The following SLC36A1 variants were observed in gnomAD, a reference collection of about 807,000 sequenced individuals.
SLC36A1 encodes the protein proton-coupled amino acid transporter 1.
SLC36A1 carries 30 observed loss-of-function variants against 47.5 expected under a neutral mutation model. The observed-to-expected ratio is 0.63, with a 90% CI of 0.47 to 0.86. The LOEUF is 0.86. Among genes scored for constraint, SLC36A1 ranks in the 40% least tolerant of loss-of-function variants. The pLI, the probability that SLC36A1 is intolerant of heterozygous loss-of-function variation, is 0.00. For missense variants in SLC36A1, 517 were observed against 606.0 expected, an observed-to-expected ratio of 0.85 and a Z score of 1.54; for synonymous variants, 255 against 249.7, an observed-to-expected ratio of 1.02 and a Z score of -0.20.
chr5:151,476,851 C>T (rs1484400962), intron 9 of SLC36A1, 95 bp downstream of exon 9: 1 of 1,451,202 alleles, frequency 6.9e-7, no homozygotes, highest in South Asian at 1.2e-5. Flanking sequence ...ATCTCTTAAA[C>T]CAGCCCACTT....
chr5:151,365,407 C>T, the SLC36A1 span, among the ~76,000 whole-genome samples: 1 of 152,160 alleles, frequency 6.6e-6, no homozygotes, highest in African/African-American at 2.4e-5. Context: ...TTGACAGGCT[C>T]AGGGAAAGTG....
chr5:151,548,841 G>A, the SLC36A1 span, among the ~76,000 whole-genome samples: 60 of 152,178 alleles, frequency 3.9e-4, no homozygotes, highest in African/African-American at 1.3e-3. Context: ...GATTATTCCC[G>A]TTTTTGAGAT....
At chr5:151,402,427 A>G in the SLC36A1 span, among the ~76,000 whole-genome samples, 24 of 152,250 alleles carry the variant, frequency 1.6e-4, no homozygotes, top group Admixed American at 1.2e-3. Context: ...GTCAATGTTC[A>G]TTAGGGATAT....
upstream of SLC36A1, among the ~76,000 whole-genome samples, chr5:151,433,258 ATATATATATTTTTTT>A (rs1759538551): frequency 1.9e-4 from 3 of 15,400 alleles, no homozygotes; most frequent in African/African-American, 8.1e-4. Context: ...ATATATATAT[ATATATATATTTTTTT>A]TTTTTTTTTT....
At chr5:151,444,220 G>C (rs1420796599), upstream of SLC36A1, among the ~76,000 whole-genome samples, 1 of 152,190 alleles carries the variant, frequency 6.6e-6, no homozygotes, top group Non-Finnish European at 1.5e-5. Context: ...TTGGGATTTT[G>C]ATAGGGATTG....
the SLC36A1 span, among the ~76,000 whole-genome samples, chr5:151,423,179 C>T: frequency 6.6e-6 from 1 of 152,298 alleles, no homozygotes; most frequent in African/African-American, 2.4e-5. Context: ...TCATTTGTTG[C>T]TGGTTCGGGA....
the SLC36A1 span, chr5:151,521,555 C>T: frequency 3.1e-6 from 5 of 1,614,232 alleles, no homozygotes; most frequent in Non-Finnish European, 4.2e-6. Context: ...AGCACATCCA[C>T]ACCAGCCACG....
chr5:151,386,039 C>CTT, the SLC36A1 span, among the ~76,000 whole-genome samples: 1 of 146,800 alleles, frequency 6.8e-6, no homozygotes, highest in Non-Finnish European at 1.5e-5. Context: ...GTCTCGCTAA[C>CTT]TTTTTTTTTT....
At chr5:151,429,198 ATTTT>A in the SLC36A1 span, among the ~76,000 whole-genome samples, 8 of 151,656 alleles carry the variant, frequency 5.3e-5, no homozygotes, top group Admixed American at 1.3e-4. Context: ...TTTTATTTTT[ATTTT>A]TTAAAATTTT....
At chr5:151,513,068 A>G in the SLC36A1 span, among the ~76,000 whole-genome samples, 1 of 152,228 alleles carries the variant, frequency 6.6e-6, no homozygotes, top group African/African-American at 2.4e-5. Context: ...GTATTTTTAT[A>G]GTAATCCTAA....
chr5:151,548,158 A>G, the SLC36A1 span, among the ~76,000 whole-genome samples: 1 of 152,172 alleles, frequency 6.6e-6, no homozygotes, highest in African/African-American at 2.4e-5. Flanking sequence ...AGGTAAAGCT[A>G]CTGGCTTTAT....
At chr5:151,432,159 G>C (rs1387080154), upstream of SLC36A1, among the ~76,000 whole-genome samples, 5 of 152,062 alleles carry the variant, frequency 3.3e-5, no homozygotes, top group Non-Finnish European at 7.4e-5. Context: ...AACAGTTCCA[G>C]GTACTGCAGT....
chr5:151,416,827 A>G, the SLC36A1 span, among the ~76,000 whole-genome samples: 1 of 152,322 alleles, frequency 6.6e-6, no homozygotes, highest in African/African-American at 2.4e-5. Flanking sequence ...TAATCCCCAC[A>G]TGTCAAAGGA....
the SLC36A1 span, among the ~76,000 whole-genome samples, chr5:151,349,453 G>A: frequency 6.6e-6 from 1 of 152,134 alleles, no homozygotes; most frequent in South Asian, 2.1e-4. Flanking sequence ...GAAGCCCTGG[G>A]TTCCGCTATG....
chr5:151,526,124 T>C, the SLC36A1 span, among the ~76,000 whole-genome samples: 19 of 152,294 alleles, frequency 1.2e-4, no homozygotes, highest in East Asian at 3.5e-3. Flanking sequence ...TCTGCCTGCC[T>C]TTGAGGTAGT....
the SLC36A1 span, chr5:151,529,190 G>A: frequency 2.2e-5 from 35 of 1,614,060 alleles, no homozygotes; most frequent in East Asian, 8.9e-5. Context: ...TGAGGATGAC[G>A]TCACCCACAA....
chr5:151,362,997 A>T, the SLC36A1 span, among the ~76,000 whole-genome samples: 1 of 152,024 alleles, frequency 6.6e-6, no homozygotes, highest in Non-Finnish European at 1.5e-5. Flanking sequence ...TTTCTTGTGG[A>T]TGTACACCTA....
chr5:151,448,115 A>G (rs1311926506), intron 1 of SLC36A1, among the ~76,000 whole-genome samples: 1 of 152,136 alleles, frequency 6.6e-6, no homozygotes, highest in African/African-American at 2.4e-5. Context: ...GCGCTGCTTG[A>G]GACAGGCTCA....
the SLC36A1 span, among the ~76,000 whole-genome samples, chr5:151,392,925 G>A: frequency 6.6e-6 from 1 of 152,102 alleles, no homozygotes; most frequent in Non-Finnish European, 1.5e-5. Context: ...GGTCAGCTTG[G>A]TGCAGAGCTG....
Sources: allele counts gnomAD v4.1 joint callset (sites outside exome capture counted in the v4.1 genomes callset), GRCh38; gene constraint gnomAD v4.1.1; transcripts MANE v1.5; gene names NCBI Gene and HGNC (gene_info 2026-07-23, HGNC 2026-07-21).